The following NAT10 variants were observed in gnomAD, a reference collection of about 807,000 sequenced individuals.
NAT10 encodes N-acetyltransferase 10, also known as RNA cytidine acetyltransferase.
A neutral mutation model predicts 132.2 loss-of-function variants in NAT10; 109 were observed. That is an observed-to-expected ratio of 0.82 (90% CI 0.71 to 0.97). The LOEUF is 0.97. Ranked by LOEUF, NAT10 falls within the 50% of genes least tolerant of loss-of-function variation. The pLI is 0.00. For synonymous variants in NAT10, 479 were observed against 478.0 expected (o/e 1.00, Z -0.03); for missense variants, 1,184 against 1,263.4 (o/e 0.94, Z 0.95).
At chr11:34,132,446 A>T (rs1852122944) in intron 15 of NAT10, among the ~76,000 whole-genome samples, 1 of 152,160 alleles carries the variant, frequency 6.6e-6, no homozygotes, top group Non-Finnish European at 1.5e-5. Flanking sequence ...GAGTGCTTTC[A>T]TTTCTTGCCT....
At chr11:34,108,110 T>G in intron 1 of NAT10, 101 bp from the exon 2 acceptor site, 1 of 734,394 alleles carries the variant, frequency 1.4e-6, no homozygotes, top group South Asian at 1.7e-5. Flanking sequence ...ACAATACTTA[T>G]AGATATGCCT....
intron 14 of NAT10, 95 bp from the exon 15 acceptor site, chr11:34,132,030 T>C: frequency 1.1e-6 from 1 of 910,696 alleles, no homozygotes; most frequent in Non-Finnish European, 1.8e-6. Flanking sequence ...ACTGAGCTCC[T>C]GTTCCCAGCT....
chr11:34,133,988 T>C (rs1271015897), intron 16 of NAT10, among the ~76,000 whole-genome samples: 1 of 122,236 alleles, frequency 8.2e-6, no homozygotes, highest in Non-Finnish European at 1.8e-5. Context: ...CCTTCTCTAC[T>C]AAAAAAAAAA....
At chr11:34,141,408 TCA>T (rs59489457) in intron 25 of NAT10, among the ~76,000 whole-genome samples, 200 bp downstream of exon 25, 25,481 of 132,650 alleles carry the variant, frequency 0.19, 2,469 homozygotes, top group Admixed American at 0.24. Flanking sequence ...TCATCACACA[TCA>T]CACACACACA....
intron 23 of NAT10, among the ~76,000 whole-genome samples, chr11:34,139,866 C>T (rs970714114): frequency 2.6e-5 from 4 of 152,050 alleles, no homozygotes; most frequent in African/African-American, 7.3e-5. Flanking sequence ...GCCAACAGCA[C>T]ACAGAAGTGC....
intron 16 of NAT10, 79 bp from the exon 17 acceptor site, chr11:34,134,240 G>A (rs1426353521): frequency 3.2e-6 from 4 of 1,266,352 alleles, no homozygotes; most frequent in East Asian, 2.3e-5. Context: ...GGCCTAGTTC[G>A]AGAAACAAGC....
intron 25 of NAT10, among the ~76,000 whole-genome samples, chr11:34,141,460 G>A (rs999212809): frequency 2.7e-5 from 4 of 148,302 alleles, no homozygotes; most frequent in African/African-American, 5.1e-5. Flanking sequence ...ACGTGCGCGC[G>A]CAAATACAGG....
At chr11:34,129,153 A>G (rs1333577795) in intron 12 of NAT10, among the ~76,000 whole-genome samples, 1 of 152,136 alleles carries the variant, frequency 6.6e-6, no homozygotes, top group Non-Finnish European at 1.5e-5. Context: ...TCTCTTAGGG[A>G]TACACCTAGG....
chr11:34,122,697 C>G (rs940969927), intron 9 of NAT10, 105 bp downstream of exon 9: 4 of 1,449,328 alleles, frequency 2.8e-6, no homozygotes, highest in East Asian at 4.9e-5. Flanking sequence ...GTTCTGAGTT[C>G]TGAGTGGGTT....
At chr11:34,138,794 CCT>C in intron 21 of NAT10, 2 of 169,026 alleles carry the variant, frequency 1.2e-5, no homozygotes, top group African/African-American at 2.4e-5. Context: ...CCCTGGAGTT[CCT>C]GCTGTGAGGC....
At chr11:34,138,153 G>A (rs769306852) in intron 21 of NAT10, among the ~76,000 whole-genome samples, 31 of 152,200 alleles carry the variant, frequency 2.0e-4, no homozygotes, top group Non-Finnish European at 1.6e-4. Flanking sequence ...GGTGAGGGGG[G>A]CTGACTGCCA....
At chr11:34,138,120 T>C (rs2132977175) in intron 21 of NAT10, among the ~76,000 whole-genome samples, 1 of 152,314 alleles carries the variant, frequency 6.6e-6, no homozygotes, top group East Asian at 1.9e-4. Flanking sequence ...GCTGCTGGGT[T>C]CGATCCTGCA....
chr11:34,141,443 CACACACACGT>C (rs1852329578), intron 25 of NAT10, among the ~76,000 whole-genome samples: 1 of 151,524 alleles, frequency 6.6e-6, no homozygotes, highest in African/African-American at 2.4e-5. Flanking sequence ...CACACACACA[CACACACACGT>C]GCGCGCGCAA....
rs1852092282 is a variant in NAT10, at chr11:34,130,916, A to G, written c.1348A>G (p.Thr450Ala). Residue 450 changes from threonine (T) to alanine (A), a missense_variant, in exon 13 of 29, where the codon ACG (threonine) becomes GCG (alanine). Coordinates refer to ENST00000257829, the MANE Select transcript of NAT10 (RefSeq NM_024662.3). ...CACCACTGCTGAGAATAAGACCACG[A>G]CGACAGCCAGATTGGCATCAGGTAC... ...VSTTAENKTT[T>A]TARLASARTL... The G allele has an allele frequency of 6.2e-7, 1 of 1,613,986 alleles. No homozygotes were observed.
intron 3 of NAT10, among the ~76,000 whole-genome samples, chr11:34,110,699 G>A (rs1402570191): frequency 6.6e-6 from 1 of 151,156 alleles, no homozygotes; most frequent in Admixed American, 6.6e-5. Flanking sequence ...CATTGAGTTG[G>A]ATGTGTTGTT....
chr11:34,139,432 T>G lies in NAT10; in HGVS notation c.2356T>G (p.Phe786Val). ...LALLSYQFST[F>V]SPSLALNIIQ... Reference sequence around the variant, plus strand: ...CTTGCTCTCCTACCAGTTCAGTACCTTCTCTCCTTCCCTGGCTCTGAACAT... The same window carrying G: ...CTTGCTCTCCTACCAGTTCAGTACCGTCTCTCCTTCCCTGGCTCTGAACAT... Residue 786 changes from phenylalanine (F) to valine (V), a missense_variant, in exon 23 of 29, where the codon TTC (phenylalanine) becomes GTC (valine). By Grantham distance (50) the Phe-to-Val change is conservative (BLOSUM62 -1). Coordinates refer to ENST00000257829, the MANE Select transcript of NAT10 (RefSeq NM_024662.3). The G allele has an allele frequency of 6.2e-7, 1 of 1,614,100 alleles. No individual in the cohort carries two copies. Among genetic ancestry groups the G allele is most frequent in the Non-Finnish European group, 8.5e-7 (1 of 1,180,014 alleles).
chr11:34,133,777 T>C (rs1852151564), intron 16 of NAT10, among the ~76,000 whole-genome samples: 3 of 152,156 alleles, frequency 2.0e-5, no homozygotes, highest in Non-Finnish European at 4.4e-5. Flanking sequence ...TCTCTTCTAA[T>C]GTGGCTTTTA....
rs1852338171 is a variant in NAT10 at position 34,141,789 on chromosome 11, C to T, written c.2783C>T (p.Pro928Leu). The T allele has an allele frequency of 1.9e-6, 3 of 1,613,764 alleles. No individual in the cohort carries two copies. The highest frequency in any genetic ancestry group is 2.5e-6 in the Non-Finnish European group (3 of 1,180,020). The change falls in exon 26 of 29, where the codon CCC becomes CTC. Residue 928 changes from proline to leucine, a missense_variant. Transcript: ENST00000257829. ...GCAGCGAAGGATGTGGTCATGGAGC[C>T]CACGATGAAGACCCTCAGTGACGAC... ...MVAAKDVVME[P>L]TMKTLSDDLD... is the part of the protein sequence containing the mutation.
intron 5 of NAT10, 97 bp downstream of exon 5, chr11:34,113,935 G>A: frequency 6.8e-7 from 1 of 1,462,128 alleles, no homozygotes; most frequent in Non-Finnish European, 9.3e-7. Context: ...GGCAGCTCCA[G>A]TGAGTAGTCA....
Sources: allele counts gnomAD v4.1 joint callset (sites outside exome capture counted in the v4.1 genomes callset), GRCh38; gene constraint gnomAD v4.1.1; transcripts MANE v1.5; gene names NCBI Gene and HGNC (gene_info 2026-07-23, HGNC 2026-07-21).